The following TAB2 variants were observed in gnomAD, a reference collection of about 807,000 sequenced individuals.
TAB2 encodes the protein TGF-beta activated kinase 1 (MAP3K7) binding protein 2, also known as TGF-beta-activated kinase 1 and MAP3K7-binding protein 2.
In TAB2, 3 loss-of-function variants were observed where a neutral mutation model predicts 65.0. The ratio of observed to expected loss-of-function variants is 0.05; its 90% CI spans 0.02 to 0.12. TAB2 has a LOEUF of 0.12. Ranked by LOEUF, TAB2 falls within the 10% of genes least tolerant of loss-of-function variation. TAB2 has a pLI of 1.00. For missense variants in TAB2, 623 were observed against 840.3 expected, an observed-to-expected ratio of 0.74 and a Z score of 3.20; for synonymous variants, 298 against 285.1, an observed-to-expected ratio of 1.05 and a Z score of -0.46.
At chr6:149,253,952 GAA>G (rs56004101) in intron 1 of TAB2, among the ~76,000 whole-genome samples, 4,622 of 90,614 alleles carry the variant, frequency 0.051, 69 homozygotes, top group East Asian at 0.067. Context: ...GAGAAAGAAA[GAA>G]AGAAAAAGAA....
chr6:149,406,243 G>A (rs1782660639), intron 6 of TAB2, among the ~76,000 whole-genome samples: 1 of 152,140 alleles, frequency 6.6e-6, no homozygotes, highest in African/African-American at 2.4e-5. Flanking sequence ...AAAATTATTT[G>A]TGTTACTTCT....
chr6:149,316,226 T>G (rs1329126451), upstream of TAB2, among the ~76,000 whole-genome samples: 2 of 152,220 alleles, frequency 1.3e-5, no homozygotes, highest in Admixed American at 1.3e-4. Context: ...TGGAGAATAA[T>G]TAAATTCCGA....
At chr6:149,400,734 T>C in intron 6 of TAB2, 3 of 1,565,298 alleles carry the variant, frequency 1.9e-6, no homozygotes, top group Non-Finnish European at 2.6e-6. Flanking sequence ...CCAAGATTAC[T>C]GCATTCTCAA....
chr6:149,244,349 G>T (rs541938906), intron 1 of TAB2: 2 of 152,350 alleles, frequency 1.3e-5, no homozygotes, highest in African/African-American at 2.4e-5. Flanking sequence ...CCACGGTGGC[G>T]GTGGAGGGTG....
In TAB2 at chr6:149,378,278, A is replaced by G; in HGVS notation, c.363A>G (p.Leu121=). 3.1e-6 allele frequency: 5 copies of G among 1,614,168 alleles called. No individual in the cohort carries two copies. The highest frequency in any genetic ancestry group is 4.2e-6 in the Non-Finnish European group (5 of 1,180,030). ...AAGGTGGCCAGTCCAATAGTGAACTATTTCAGCAGGAGCCACAGACAGCAC... is the reference window on the plus strand; with the variant it reads ...AAGGTGGCCAGTCCAATAGTGAACTGTTTCAGCAGGAGCCACAGACAGCAC... The part of the protein sequence containing the change: ...QLQGGQSNSE[L]FQQEPQTAPA... The change falls in exon 3 of 7, where the codon CTA becomes CTG. Residue 121 remains leucine, a synonymous_variant. Transcript: ENST00000637181.
chr6:149,293,582 G>A (rs610707), intron 1 of TAB2, among the ~76,000 whole-genome samples: 61,512 of 152,076 alleles, frequency 0.4, 14,086 homozygotes, highest in African/African-American at 0.64. Context: ...GAAAGACCAG[G>A]TGTTCCAGGT....
In TAB2 at chr6:149,276,198, G is replaced by A. The variant is rs575632334; in HGVS notation, c.-121+57422G>A. Reference sequence around the variant, plus strand: ...AATAAACTTTATTTAAAATATAGAAGGCTCTTGGGTTTATTTTAAGCCTCA... The same window carrying A: ...AATAAACTTTATTTAAAATATAGAAAGCTCTTGGGTTTATTTTAAGCCTCA... On this transcript the variant is annotated intron_variant, in intron 1 of 1. Coordinates refer to the TAB2 transcript ENST00000606202. Among the ~76,000 whole-genome samples the A allele has an allele frequency of 7.9e-4, 120 of 152,234 alleles. 1 individual carries two copies. The highest frequency in any genetic ancestry group is 6.8e-3 in the Middle Eastern group (2 of 294).
At chr6:149,397,940 A>G (rs772744080) in intron 4 of TAB2, 29 bp from the exon 5 acceptor site, 3 of 1,606,020 alleles carry the variant, frequency 1.9e-6, no homozygotes, top group African/African-American at 1.3e-5. Flanking sequence ...ATTCAGTGCA[A>G]ATCTTACTTA....
At chr6:149,317,583 GGCGAGAGCGA>G (rs1196305293), upstream of TAB2, 4 of 154,310 alleles carry the variant, frequency 2.6e-5, no homozygotes, top group African/African-American at 4.8e-5. The surrounding 1 kb of genome is among the most constrained non-coding windows in gnomAD (Gnocchi z 4.7). Flanking sequence ...GCGGAGCCGC[GGCGAGAGCGA>G]GCGAGAGCTG....
intron 1 of TAB2, among the ~76,000 whole-genome samples, chr6:149,224,807 G>A (rs1019948588): frequency 6.6e-6 from 1 of 152,166 alleles, no homozygotes; most frequent in Non-Finnish European, 1.5e-5. Context: ...CCTTTATGTT[G>A]GAGTTAAGCA....
At chr6:149,326,312 C>G (rs1208379519) in intron 1 of TAB2, among the ~76,000 whole-genome samples, 1 of 150,148 alleles carries the variant, frequency 6.7e-6, no homozygotes, top group Admixed American at 6.6e-5. Context: ...AAAGTCATTG[C>G]ATTTTATTAA....
At position 149,410,283 on chromosome 6, in the gene TAB2, TAAA is replaced by T. The variant is rs1782805308; in HGVS notation, c.*565_*567del. ...CTCTGTGAAGCCAGCATCTAGGGGC[TAAA>T]GATGCAAAGGAAAGCAGCATGCATT... On this transcript the variant is annotated 3_prime_UTR_variant, in exon 7 of 7. Coordinates refer to ENST00000637181, the MANE Select transcript of TAB2 (RefSeq NM_001292034.3). 1 of 163,130 alleles carries T rather than the reference TAAA, an allele frequency of 6.1e-6. No individual in the cohort carries two copies. The highest frequency in any genetic ancestry group is 2.4e-5 in the African/African-American group (1 of 41,532). The allele number at this position is 163,130 out of a possible 1,614,324, so 10.1% of individuals were successfully genotyped here.
rs1562392098 is a variant in TAB2 at position 149,261,593 on chromosome 6, A to ATGACAAAATCCCACGGTGTAC, written c.-121+42823_-121+42843dup. ...AGAGATTTTAACCAATAGTAAAGTG[A>ATGACAAAATCCCACGGTGTAC]TGACAAAATCCCACGGTGTACTGAC... On this transcript the variant is annotated intron_variant, in intron 1 of 1. Coordinates refer to the TAB2 transcript ENST00000606202. 2.0e-5 allele frequency among the ~76,000 whole-genome samples: 3 copies of ATGACAAAATCCCACGGTGTAC among 152,352 alleles called. No individual in the cohort carries two copies. In the East Asian group the frequency reaches 5.8e-4, roughly 29 times the overall value.
intron 1 of TAB2, among the ~76,000 whole-genome samples, chr6:149,260,379 T>G (rs1456429991): frequency 6.6e-6 from 1 of 151,992 alleles, no homozygotes. Context: ...GGCTTTGGAG[T>G]GGGGAGTGCG....
At chr6:149,218,797 T>C (rs1368871761) in intron 1 of TAB2, 3 of 455,890 alleles carry the variant, frequency 6.6e-6, no homozygotes, top group Admixed American at 4.7e-5. Context: ...AAACAGTCAT[T>C]GTTTCTGGAG....
intron 1 of TAB2, among the ~76,000 whole-genome samples, chr6:149,351,141 T>A (rs1458779925): frequency 6.6e-6 from 1 of 152,178 alleles, no homozygotes; most frequent in Non-Finnish European, 1.5e-5. Context: ...CCCAGAGAGA[T>A]CCCTTTAAAC....
intron 1 of TAB2, among the ~76,000 whole-genome samples, chr6:149,333,322 T>A (rs765548977): frequency 6.6e-6 from 1 of 152,192 alleles, no homozygotes; most frequent in African/African-American, 2.4e-5. Context: ...TTTTGCCTCT[T>A]TTTTCTCTTT....
At chr6:149,369,085 C>T (rs1186573023) in intron 1 of TAB2, among the ~76,000 whole-genome samples, 1 of 151,950 alleles carries the variant, frequency 6.6e-6, no homozygotes, top group Non-Finnish European at 1.5e-5. Context: ...GAAATTTGTC[C>T]TAATGAAAGG....
chr6:149,241,311 C>G (rs982795835), intron 1 of TAB2, among the ~76,000 whole-genome samples: 1 of 152,208 alleles, frequency 6.6e-6, no homozygotes, highest in Non-Finnish European at 1.5e-5. Flanking sequence ...TATATGTAGG[C>G]AAACCACTTC....
Sources: allele counts gnomAD v4.1 joint callset (sites outside exome capture counted in the v4.1 genomes callset), GRCh38; gene constraint gnomAD v4.1.1; non-coding constraint Gnocchi (gnomAD v3.1); transcripts MANE v1.5; gene names NCBI Gene and HGNC (gene_info 2026-07-23, HGNC 2026-07-21).